IL15: variants seen among roughly 807,000 people sequenced by gnomAD.
The protein encoded by IL15 is interleukin 15.
IL15 carries 11 observed loss-of-function variants against 19.6 expected under a neutral mutation model. That is an observed-to-expected ratio of 0.56 (90% confidence interval 0.35 to 0.93). The LOEUF is 0.93. Ranked by LOEUF, IL15 falls within the 40% of genes least tolerant of loss-of-function variation. The probability of loss-of-function intolerance (pLI) is 0.01; values close to 1 mark genes in which losing one functional copy is unlikely to be tolerated. For synonymous variants in IL15, 58 were observed against 59.6 expected, an observed-to-expected ratio of 0.97 and a Z score of 0.12; for missense variants, 197 against 186.5, an observed-to-expected ratio of 1.06 and a Z score of -0.33.
chr4:141,673,175 A>C (rs1728231223), intron 2 of IL15, among the ~76,000 whole-genome samples: 1 of 152,206 alleles, frequency 6.6e-6, no homozygotes, highest in African/African-American at 2.4e-5. Flanking sequence ...AATGTAATAA[A>C]ATTTCCCACT....
intron 2 of IL15, among the ~76,000 whole-genome samples, chr4:141,671,937 A>G (rs1728189738): frequency 6.6e-6 from 1 of 152,202 alleles, no homozygotes; most frequent in African/African-American, 2.4e-5. Context: ...CAAACTATCT[A>G]CCACATATAC....
At chr4:141,721,249 G>C in intron 4 of IL15, 2 of 729,344 alleles carry the variant, frequency 2.7e-6, no homozygotes, top group South Asian at 2.9e-5. Context: ...GGAAGTGAGT[G>C]ATTATTTTTC....
At chr4:141,720,123 TAAA>T (rs1286965507) in intron 3 of IL15, among the ~76,000 whole-genome samples, 1 of 152,086 alleles carries the variant, frequency 6.6e-6, no homozygotes, top group East Asian at 1.9e-4. Flanking sequence ...TTTGACCTAT[TAAA>T]AAAGAAAGAA....
Position 141,636,708 on chromosome 4 carries a change from GTGGC to G in IL15, c.-259_-256del, listed in dbSNP as rs1362301128. On this transcript the variant is annotated 5_prime_UTR_variant, in exon 1 of 8. Coordinates refer to ENST00000320650, the MANE Select transcript of IL15 (RefSeq NM_000585.5). ...GGGTGGCCGCACCCTCCCGGCTGCG[GTGGC>G]TGTCGCCCCCCACCCTGCAGCCAGG... is the stretch of plus-strand genomic sequence containing the variant. 6.6e-6 allele frequency: 1 copy of G among 151,986 alleles called. No homozygotes were observed. Among genetic ancestry groups the G allele is most frequent in the Non-Finnish European group, 1.5e-5 (1 of 68,036 alleles). 9.4% of individuals were successfully genotyped at this position (151,986 alleles called of 1,614,324 possible). A position where few individuals can be genotyped will look rare whatever the true frequency, so the allele number is the denominator to read the frequency against.
intron 2 of IL15, among the ~76,000 whole-genome samples, chr4:141,667,820 C>T (rs923044413): frequency 2.6e-5 from 4 of 151,950 alleles, no homozygotes; most frequent in East Asian, 1.9e-4. Context: ...TGAAAGTTGT[C>T]GGAACCCTCT....
At chr4:141,644,857 G>A (rs747583500) in intron 1 of IL15, among the ~76,000 whole-genome samples, 3 of 152,156 alleles carry the variant, frequency 2.0e-5, no homozygotes, top group Non-Finnish European at 4.4e-5. Flanking sequence ...AATAGAGCCG[G>A]CATATATCCC....
At chr4:141,689,067 T>C (rs1728807468) in intron 2 of IL15, 1 of 155,138 alleles carries the variant, frequency 6.4e-6, no homozygotes, top group Non-Finnish European at 1.4e-5. Flanking sequence ...GTGGCGCATC[T>C]GGAGTTGTTC....
intron 2 of IL15, among the ~76,000 whole-genome samples, chr4:141,665,506 G>A (rs1294258473): frequency 6.6e-6 from 1 of 152,028 alleles, no homozygotes; most frequent in African/African-American, 2.4e-5. Flanking sequence ...TGAACTTACG[G>A]ATCATAGTGT....
At chr4:141,723,061 C>G (rs973346933) in intron 5 of IL15, among the ~76,000 whole-genome samples, 1 of 151,840 alleles carries the variant, frequency 6.6e-6, no homozygotes, top group Non-Finnish European at 1.5e-5. Flanking sequence ...GAGAATACAC[C>G]AAGTAAAAGA....
At chr4:141,644,770 C>T (rs1727171523) in intron 1 of IL15, among the ~76,000 whole-genome samples, 1 of 152,026 alleles carries the variant, frequency 6.6e-6, no homozygotes, top group African/African-American at 2.4e-5. Flanking sequence ...AAAAATAGGA[C>T]AATTGCTTTA....
At chr4:141,680,150 C>A (rs1486272178) in intron 2 of IL15, among the ~76,000 whole-genome samples, 1 of 152,176 alleles carries the variant, frequency 6.6e-6, no homozygotes, top group East Asian at 1.9e-4. Flanking sequence ...TTTTACCTTG[C>A]CATCCTGTCA....
At chr4:141,701,491 G>A (rs750305415) in intron 2 of IL15, among the ~76,000 whole-genome samples, 1 of 152,166 alleles carries the variant, frequency 6.6e-6, no homozygotes, top group Non-Finnish European at 1.5e-5. Flanking sequence ...CTCCTATGGA[G>A]TTGGAATGGC....
intron 1 of IL15, among the ~76,000 whole-genome samples, chr4:141,643,249 A>G (rs1727112830): frequency 6.6e-6 from 1 of 152,120 alleles, no homozygotes; most frequent in African/African-American, 2.4e-5. Flanking sequence ...TCCCAATACC[A>G]TGTAGCCATG....
Position 141,729,982 on chromosome 4 carries a change from G to A in IL15, c.376G>A (p.Gly126Arg). The A allele has an allele frequency of 6.2e-7, 1 of 1,609,332 alleles. No homozygotes were observed. Among genetic ancestry groups the A allele is most frequent in the Non-Finnish European group, 8.5e-7 (1 of 1,176,076 alleles). ...ILANNSLSSN[G>R]NVTESGCKEC... ...AGCAAACAACAGTTTGTCTTCTAAT[G>A]GGGTGAGTTTTCCAACAGTTGCTTA... Residue 126 changes from glycine (G) to arginine (R), a missense_variant and splice_region_variant, in exon 7 of 8, where the codon GGG becomes AGG. By Grantham distance (125) the Gly-to-Arg change is moderately radical. Coordinates refer to ENST00000320650, the MANE Select transcript of IL15 (RefSeq NM_000585.5).
intron 3 of IL15, among the ~76,000 whole-genome samples, chr4:141,720,236 C>G (rs900843710): frequency 2.0e-5 from 3 of 151,858 alleles, no homozygotes; most frequent in Non-Finnish European, 4.4e-5. Flanking sequence ...TTATCTTTGA[C>G]ATGCATCTGC....
intron 6 of IL15, among the ~76,000 whole-genome samples, chr4:141,729,281 G>C (rs771844400): frequency 2.0e-5 from 3 of 152,088 alleles, no homozygotes; most frequent in Non-Finnish European, 4.4e-5. Context: ...TATTGTTAAA[G>C]TAAATGTTGT....
intron 2 of IL15, among the ~76,000 whole-genome samples, chr4:141,662,510 T>A (rs1436042808): frequency 6.6e-6 from 1 of 152,266 alleles, no homozygotes; most frequent in African/African-American, 2.4e-5. Flanking sequence ...TAATATTGCA[T>A]GATATATATT....
intron 2 of IL15, among the ~76,000 whole-genome samples, chr4:141,693,584 T>A (rs1351375733): frequency 6.6e-6 from 1 of 152,252 alleles, no homozygotes; most frequent in South Asian, 2.1e-4. Context: ...TGATTGTTTC[T>A]TTAAAAATTA....
chr4:141,652,244 G>A (rs1176984394), intron 1 of IL15, among the ~76,000 whole-genome samples: 1 of 152,052 alleles, frequency 6.6e-6, no homozygotes, highest in Non-Finnish European at 1.5e-5. Flanking sequence ...TACTAAAACG[G>A]ACTATTCTCC....
Sources: allele counts gnomAD v4.1 joint callset (sites outside exome capture counted in the v4.1 genomes callset), GRCh38; gene constraint gnomAD v4.1.1; transcripts MANE v1.5; gene names NCBI Gene and HGNC (gene_info 2026-07-23, HGNC 2026-07-21).